The following PLCB1 variants were observed in gnomAD, a reference collection of about 807,000 sequenced individuals.
PLCB1 encodes 1-phosphatidylinositol 4,5-bisphosphate phosphodiesterase beta-1.
In PLCB1, 46 loss-of-function variants were observed where a neutral mutation model predicts 161.8. That is an observed-to-expected ratio of 0.28 (90% CI 0.22 to 0.36). PLCB1 has a LOEUF of 0.36. PLCB1 is among the 10% of genes least tolerant of loss of function. The pLI is 1.00. For missense variants in PLCB1, 1,016 were observed against 1,472.5 expected (o/e 0.69, Z 5.07); for synonymous variants, 517 against 503.7 (o/e 1.03, Z -0.35).
At chr20:8,349,988 C>T (rs1986131051) in intron 2 of PLCB1, among the ~76,000 whole-genome samples, 2 of 152,126 alleles carry the variant, frequency 1.3e-5, no homozygotes, top group Admixed American at 1.3e-4. Flanking sequence ...CTTTCTAGAA[C>T]AAATAAGTGA....
At chr20:8,694,197 A>C (rs149087059) in intron 10 of PLCB1, among the ~76,000 whole-genome samples, 1 of 152,340 alleles carries the variant, frequency 6.6e-6, no homozygotes, top group African/African-American at 2.4e-5. Context: ...ATATGAATAC[A>C]TGTGTTTGAA....
chr20:8,565,529 T>C (rs188872021), intron 3 of PLCB1, among the ~76,000 whole-genome samples: 28 of 151,146 alleles, frequency 1.9e-4, no homozygotes, highest in African/African-American at 6.5e-4. Context: ...TAATAAAGTA[T>C]TATATAATAA....
intron 2 of PLCB1, among the ~76,000 whole-genome samples, chr20:8,338,574 T>C (rs1318822058): frequency 6.6e-6 from 1 of 152,202 alleles, no homozygotes; most frequent in East Asian, 1.9e-4. Flanking sequence ...GAGGTATTTT[T>C]TACCCAGCTG....
At chr20:8,378,824 C>G (rs961766771) in intron 3 of PLCB1, among the ~76,000 whole-genome samples, 1 of 152,210 alleles carries the variant, frequency 6.6e-6, no homozygotes, top group South Asian at 2.1e-4. Flanking sequence ...ATATAATATT[C>G]TAAATCTTTT....
chr20:8,453,413 A>G (rs369032539), intron 3 of PLCB1, among the ~76,000 whole-genome samples: 5 of 152,340 alleles, frequency 3.3e-5, no homozygotes, highest in East Asian at 1.9e-4. Flanking sequence ...TTTAACTTCT[A>G]TGGTCCTCGA....
intron 31 of PLCB1, among the ~76,000 whole-genome samples, chr20:8,790,690 T>TA (rs888690030): frequency 9.2e-5 from 14 of 152,318 alleles, no homozygotes; most frequent in East Asian, 5.8e-4. Context: ...CTTTGGTTTT[T>TA]ATCTAGCAAA....
At chr20:8,728,341 T>C (rs1250479947) in intron 17 of PLCB1, among the ~76,000 whole-genome samples, 2 of 152,020 alleles carry the variant, frequency 1.3e-5, no homozygotes, top group Non-Finnish European at 2.9e-5. Flanking sequence ...CCTAACTTGG[T>C]GATAGGAACT....
chr20:8,156,499 G>C (rs561468668), intron 2 of PLCB1, among the ~76,000 whole-genome samples: 1 of 152,302 alleles, frequency 6.6e-6, no homozygotes, highest in Non-Finnish European at 1.5e-5. Flanking sequence ...ACTTAATATA[G>C]ATGCCCCCAA....
At chr20:8,166,662 A>G (rs2051678838) in intron 2 of PLCB1, among the ~76,000 whole-genome samples, 1 of 152,078 alleles carries the variant, frequency 6.6e-6, no homozygotes. Context: ...CTGGTGCCTT[A>G]TTAAAGGTAC....
At chr20:8,491,170 AT>A (rs1982931135) in intron 3 of PLCB1, among the ~76,000 whole-genome samples, 1 of 151,554 alleles carries the variant, frequency 6.6e-6, no homozygotes, top group Non-Finnish European at 1.5e-5. Flanking sequence ...TTAATAATTT[AT>A]TTTTTAGTTT....
intron 3 of PLCB1, among the ~76,000 whole-genome samples, chr20:8,620,582 A>G (rs1024547905): frequency 1.3e-4 from 19 of 151,842 alleles, no homozygotes; most frequent in African/African-American, 4.4e-4. Context: ...TCTACTAAAA[A>G]TACAAAAATT....
intron 31 of PLCB1, among the ~76,000 whole-genome samples, chr20:8,863,033 T>A (rs1987307947): frequency 2.0e-5 from 3 of 152,122 alleles, no homozygotes; most frequent in Non-Finnish European, 2.9e-5. Context: ...CACCTTAGAG[T>A]TATTTCTTGC....
chr20:8,557,089 G>A (rs988390266), intron 3 of PLCB1, among the ~76,000 whole-genome samples: 4 of 151,706 alleles, frequency 2.6e-5, no homozygotes, highest in African/African-American at 9.7e-5. Flanking sequence ...ACCCATGTAT[G>A]TTCCTAGTGA....
intron 3 of PLCB1, among the ~76,000 whole-genome samples, chr20:8,613,716 T>C (rs1293478804): frequency 2.0e-5 from 3 of 152,130 alleles, no homozygotes; most frequent in Admixed American, 6.6e-5. Flanking sequence ...AATGAGTTCA[T>C]GGTCTTGTAA....
At chr20:8,229,239 A>G (rs1979873746) in intron 2 of PLCB1, among the ~76,000 whole-genome samples, 1 of 152,164 alleles carries the variant, frequency 6.6e-6, no homozygotes, top group Admixed American at 6.6e-5. Context: ...GAACAATTAA[A>G]TGAGAAAAAC....
At chr20:8,500,668 G>A (rs1239929180) in intron 3 of PLCB1, among the ~76,000 whole-genome samples, 2 of 152,168 alleles carry the variant, frequency 1.3e-5, no homozygotes, top group Non-Finnish European at 2.9e-5. Flanking sequence ...TCTATAATAA[G>A]AAAGGTAAGA....
intron 1 of PLCB1, among the ~76,000 whole-genome samples, chr20:8,148,914 A>G (rs2051481475): frequency 6.6e-6 from 1 of 152,212 alleles, no homozygotes; most frequent in Non-Finnish European, 1.5e-5. Context: ...GCCAGGTTAT[A>G]GGGGCAAGAG....
chr20:8,421,926 C>G (rs1339197810), intron 3 of PLCB1, among the ~76,000 whole-genome samples: 1 of 152,202 alleles, frequency 6.6e-6, no homozygotes, highest in Non-Finnish European at 1.5e-5. Flanking sequence ...GACTCACCAT[C>G]TTCACTTCGT....
At chr20:8,428,040 T>G (rs949229806) in intron 3 of PLCB1, among the ~76,000 whole-genome samples, 1 of 152,138 alleles carries the variant, frequency 6.6e-6, no homozygotes, top group Admixed American at 6.5e-5. Flanking sequence ...CACAACCTTC[T>G]TCCCTGATTA....
Sources: gnomAD v4.1 joint callset for allele counts (sites outside exome capture counted in the v4.1 genomes callset) on GRCh38, gnomAD v4.1.1 for gene constraint, MANE v1.5 for transcripts, NCBI Gene and HGNC (gene_info 2026-07-23, HGNC 2026-07-21) for gene names.